STAG1: variants seen among roughly 807,000 people sequenced by gnomAD.
STAG1 encodes STAG1 cohesin complex component.
A neutral mutation model predicts 170.9 loss-of-function variants in STAG1; 26 were observed. The observed-to-expected ratio is 0.15, with a 90% CI of 0.11 to 0.21. STAG1 has a LOEUF of 0.21. Ranked by LOEUF, STAG1 falls within the 10% of genes least tolerant of loss-of-function variation. STAG1 has a pLI of 1.00. For synonymous variants in STAG1, 514 were observed against 497.7 expected, an observed-to-expected ratio of 1.03 and a Z score of -0.44; for missense variants, 964 against 1,509.5, an observed-to-expected ratio of 0.64 and a Z score of 5.99.
At chr3:136,392,932 C>G (rs911074367) in intron 22 of STAG1, among the ~76,000 whole-genome samples, 1 of 151,812 alleles carries the variant, frequency 6.6e-6, no homozygotes, top group Non-Finnish European at 1.5e-5. Flanking sequence ...GAGAACTCTA[C>G]CTTGTATTTT....
chr3:136,530,956 T>C (rs965488822), intron 6 of STAG1, among the ~76,000 whole-genome samples: 3 of 151,862 alleles, frequency 2.0e-5, no homozygotes, highest in African/African-American at 7.3e-5. Context: ...AATACAAAAA[T>C]TAGCTGGGTG....
intron 13 of STAG1, among the ~76,000 whole-genome samples, chr3:136,463,351 G>C (rs370653024): frequency 6.6e-6 from 1 of 152,172 alleles, no homozygotes; most frequent in African/African-American, 2.4e-5. Context: ...ATACTGGAGA[G>C]AGGACCAGGC....
intron 4 of STAG1, among the ~76,000 whole-genome samples, chr3:136,580,918 AC>A (rs1229140712): frequency 1.3e-5 from 2 of 150,950 alleles, no homozygotes; most frequent in Non-Finnish European, 3.0e-5. Context: ...TCTAGACTCT[AC>A]TTTGGTATAT....
chr3:136,626,858 C>T (rs927987963), intron 2 of STAG1, among the ~76,000 whole-genome samples: 1 of 152,214 alleles, frequency 6.6e-6, no homozygotes, highest in African/African-American at 2.4e-5. Context: ...CAGTCGCACA[C>T]TTAGTAAGTG....
chr3:136,421,643 G>C (rs1038186277), intron 19 of STAG1, among the ~76,000 whole-genome samples: 3 of 152,140 alleles, frequency 2.0e-5, no homozygotes, highest in Admixed American at 2.0e-4. Flanking sequence ...ATTGATGAGA[G>C]AGAGGGAAAG....
chr3:136,681,563 C>T (rs1263097845), intron 1 of STAG1, among the ~76,000 whole-genome samples: 2 of 152,056 alleles, frequency 1.3e-5, no homozygotes, highest in Non-Finnish European at 2.9e-5. Flanking sequence ...ATGAACACAG[C>T]CACTGCCATT....
chr3:136,581,770 A>G (rs1226236099), intron 4 of STAG1, among the ~76,000 whole-genome samples: 2 of 152,198 alleles, frequency 1.3e-5, no homozygotes, highest in East Asian at 3.8e-4. Context: ...AAATGAAAAA[A>G]TGGAATTTTT....
chr3:136,616,372 CTG>C (rs1462043025), intron 3 of STAG1, among the ~76,000 whole-genome samples: 1 of 151,868 alleles, frequency 6.6e-6, no homozygotes, highest in African/African-American at 2.4e-5. Context: ...GGTCTTAATT[CTG>C]TGTTCTTGGA....
intron 6 of STAG1, among the ~76,000 whole-genome samples, chr3:136,537,623 C>T (rs1935701821): frequency 6.6e-6 from 1 of 151,294 alleles, no homozygotes; most frequent in African/African-American, 2.4e-5. Flanking sequence ...GCCTCAGCCT[C>T]CCCATTAGCT....
At chr3:136,580,782 C>G (rs1937575814) in intron 4 of STAG1, among the ~76,000 whole-genome samples, 1 of 151,978 alleles carries the variant, frequency 6.6e-6, no homozygotes, top group African/African-American at 2.4e-5. Flanking sequence ...ATCCACCCGC[C>G]TCGGCCTCCC....
At chr3:136,507,608 T>C (rs1933833368) in intron 7 of STAG1, among the ~76,000 whole-genome samples, 1 of 152,144 alleles carries the variant, frequency 6.6e-6, no homozygotes, top group Non-Finnish European at 1.5e-5. Context: ...CCTCAAGTGA[T>C]TCTCCCACGT....
At chr3:136,721,014 T>C (rs1239425451) in intron 1 of STAG1, among the ~76,000 whole-genome samples, 6 of 152,210 alleles carry the variant, frequency 3.9e-5, no homozygotes, top group Non-Finnish European at 1.5e-5. Context: ...TGCTAATAAA[T>C]TGACTAATCT....
chr3:136,696,831 C>T (rs1050913730), intron 1 of STAG1, among the ~76,000 whole-genome samples: 8 of 152,094 alleles, frequency 5.3e-5, no homozygotes, highest in Middle Eastern at 3.4e-3. Flanking sequence ...AGCAGAACCA[C>T]GAATAAGAAA....
chr3:136,634,780 T>C (rs1940484733), intron 1 of STAG1, among the ~76,000 whole-genome samples: 1 of 152,068 alleles, frequency 6.6e-6, no homozygotes, highest in African/African-American at 2.4e-5. Context: ...ACAAGTTTGT[T>C]GTTGGAAAAG....
At chr3:136,367,455 A>T (rs980910640) in intron 24 of STAG1, among the ~76,000 whole-genome samples, 5 of 152,066 alleles carry the variant, frequency 3.3e-5, no homozygotes, top group Non-Finnish European at 5.9e-5. Flanking sequence ...TTTTGGTATG[A>T]GTGGGAGTCC....
chr3:136,643,143 T>C lies in STAG1; in HGVS notation c.-83-12162A>G, dbSNP rs1159064572. Among the ~76,000 whole-genome samples the C allele has an allele frequency of 2.0e-5, 3 of 152,352 alleles. No homozygotes were observed. The East Asian group carries it at 5.8e-4, about 29-fold the overall frequency. On this transcript the variant is annotated intron_variant, in intron 1 of 33. Transcript: ENST00000383202. ...GAATTAAGATTTCAACGTATCTATT[T>C]GGGGGACACAAATCACAAATACGAC... is the stretch of plus-strand genomic sequence containing the variant.
rs144191937 is a variant in STAG1, at chr3:136,355,292, C to T, written c.3065+2428G>A. 3.7e-3 allele frequency among the ~76,000 whole-genome samples: 479 copies of T among 131,216 alleles called. 7 individuals carry two copies. In the East Asian group the frequency reaches 0.061, roughly 17 times the overall value. 86.1% of individuals were successfully genotyped at this position (131,216 alleles called of 152,430 possible). ...GCTGGAACCCGGGAAGCAGAGATTG[C>T]AGTGAGCCAAGATTGTGTCACTGCA... On this transcript the variant is annotated intron_variant, in intron 28 of 33. Coordinates refer to ENST00000383202, the MANE Select transcript of STAG1 (RefSeq NM_005862.3).
At chr3:136,342,409 C>T (rs1478704650) in intron 30 of STAG1, among the ~76,000 whole-genome samples, 1 of 152,132 alleles carries the variant, frequency 6.6e-6, no homozygotes, top group Non-Finnish European at 1.5e-5. Flanking sequence ...ACCTCTGCCT[C>T]CCAGGCTCCA....
chr3:136,630,956 C>G lies in STAG1; in HGVS notation c.-58G>C. ...TAATCAAGTGCTGTACAACTCAAAA[C>G]TTTTAAAATAACCTCAAAGGCAATC... On this transcript the variant is annotated 5_prime_UTR_variant, in exon 2 of 34. Transcript: ENST00000383202. The G allele has an allele frequency of 1.4e-6, 2 of 1,475,978 alleles. No individual in the cohort carries two copies. The highest frequency in any genetic ancestry group is 1.8e-6 in the Non-Finnish European group (2 of 1,106,066). The allele number at this position is 1,475,978 out of a possible 1,614,324, so 91.4% of individuals were successfully genotyped here. A position where few individuals can be genotyped will look rare whatever the true frequency, so the allele number is the denominator to read the frequency against.
Sources: gnomAD v4.1 joint callset for allele counts (sites outside exome capture counted in the v4.1 genomes callset) on GRCh38, gnomAD v4.1.1 for gene constraint, MANE v1.5 for transcripts, NCBI Gene and HGNC (gene_info 2026-07-23, HGNC 2026-07-21) for gene names.